The following IFTAP variants were observed in gnomAD, a reference collection of about 807,000 sequenced individuals.
IFTAP encodes the protein intraflagellar transport-associated protein.
A neutral mutation model predicts 19.4 loss-of-function variants in IFTAP; 19 were observed. That is an observed-to-expected ratio of 0.98 (90% CI 0.68 to 1.44). The LOEUF is 1.44. IFTAP is among the 40% of genes most tolerant of loss of function. The pLI is 0.00. For synonymous variants in IFTAP, 85 were observed against 83.5 expected, an observed-to-expected ratio of 1.02 and a Z score of -0.10; for missense variants, 240 against 253.6, an observed-to-expected ratio of 0.95 and a Z score of 0.36.
In IFTAP at chr11:36,616,497, A is replaced by G. The variant is rs191432465; in HGVS notation, c.136+6258A>G. 8.5e-5 allele frequency among the ~76,000 whole-genome samples: 13 copies of G among 152,084 alleles called. No homozygotes were observed. In the East Asian group the frequency reaches 2.1e-3, roughly 25 times the overall value. On this transcript the variant is annotated intron_variant, in intron 2 of 5. Transcript: ENST00000334307. Reference sequence around the variant, plus strand: ...TAGAACATTGTGTGTCTGAATGTTCAGGACAAATGGCTATGCCTGTGGCTT... The same window carrying G: ...TAGAACATTGTGTGTCTGAATGTTCGGGACAAATGGCTATGCCTGTGGCTT...
intron 1 of IFTAP, among the ~76,000 whole-genome samples, chr11:36,599,943 G>T (rs1851444214): frequency 6.6e-6 from 1 of 152,188 alleles, no homozygotes. Flanking sequence ...ACCATGGATA[G>T]ATTTAGATGT....
chr11:36,608,090 G>C (rs1432904430), intron 1 of IFTAP, among the ~76,000 whole-genome samples: 1 of 152,122 alleles, frequency 6.6e-6, no homozygotes, highest in Admixed American at 6.5e-5. Flanking sequence ...CTAAAGTGGT[G>C]ATATGTCTAT....
At chr11:36,635,974 G>A (rs745710202) in intron 3 of IFTAP, 77 bp from the exon 4 acceptor site, 35 of 911,630 alleles carry the variant, frequency 3.8e-5, no homozygotes, top group Non-Finnish European at 5.9e-5. Context: ...TGTTGTGGAA[G>A]TGGATTCGTT....
At position 36,633,163 on chromosome 11, in the gene IFTAP, G is replaced by A. The variant is rs545122450; in HGVS notation, c.137-121G>A. The A allele has an allele frequency of 1.1e-4, 100 of 897,310 alleles. 1 individual carries two copies. The South Asian group carries it at 2.2e-3, about 20-fold the overall frequency. 55.6% of individuals were successfully genotyped at this position (897,310 alleles called of 1,614,324 possible). A position where few individuals can be genotyped will look rare whatever the true frequency, so the allele number is the denominator to read the frequency against. On this transcript the variant is annotated intron_variant, in intron 2 of 5. Coordinates refer to ENST00000334307, the MANE Select transcript of IFTAP (RefSeq NM_138787.4). ...AGAGTGCTTAATGCCTCAAGGGTTC[G>A]GTTTGTAGAGTTCTTTGAAAAGTAT...
At chr11:36,605,453 C>T (rs1851661372) in intron 1 of IFTAP, among the ~76,000 whole-genome samples, 1 of 152,134 alleles carries the variant, frequency 6.6e-6, no homozygotes, top group Non-Finnish European at 1.5e-5. Context: ...TGAAAGTAAA[C>T]ATCAAAGGTG....
chr11:36,617,238 T>G (rs1400173782), intron 2 of IFTAP, among the ~76,000 whole-genome samples: 1 of 149,926 alleles, frequency 6.7e-6, no homozygotes, highest in Non-Finnish European at 1.5e-5. Flanking sequence ...TTTTTGTATA[T>G]TTATTTATTT....
chr11:36,645,161 A>T (rs1028305136), intron 4 of IFTAP, among the ~76,000 whole-genome samples: 1 of 152,148 alleles, frequency 6.6e-6, no homozygotes, highest in African/African-American at 2.4e-5. Flanking sequence ...GGCAGATTTA[A>T]TATTATTGTA....
At chr11:36,605,166 C>T (rs1356434246) in intron 1 of IFTAP, among the ~76,000 whole-genome samples, 1 of 151,932 alleles carries the variant, frequency 6.6e-6, no homozygotes, top group East Asian at 1.9e-4. Flanking sequence ...GATAATATCC[C>T]ATCTTACCTT....
chr11:36,621,967 G>A (rs1852306231), intron 2 of IFTAP, among the ~76,000 whole-genome samples: 1 of 151,796 alleles, frequency 6.6e-6, no homozygotes, highest in African/African-American at 2.4e-5. Context: ...TTGGTTTTGG[G>A]GTCTCAGTTT....
intron 4 of IFTAP, among the ~76,000 whole-genome samples, chr11:36,640,699 C>T (rs933323939): frequency 2.0e-5 from 3 of 152,092 alleles, no homozygotes; most frequent in Non-Finnish European, 4.4e-5. Flanking sequence ...TTAGAGAACT[C>T]GTATCTAGTA....
chr11:36,656,739 A>C (rs920689791), intron 5 of IFTAP, among the ~76,000 whole-genome samples: 4 of 152,026 alleles, frequency 2.6e-5, no homozygotes, highest in African/African-American at 4.8e-5. Context: ...ATTTTGCTAT[A>C]ATCACTTTAT....
intron 4 of IFTAP, among the ~76,000 whole-genome samples, chr11:36,642,596 C>G (rs770363988): frequency 2.0e-5 from 3 of 152,054 alleles, no homozygotes; most frequent in Non-Finnish European, 4.4e-5. Context: ...AACATCGATG[C>G]AAAAATCCTC....
intron 2 of IFTAP, among the ~76,000 whole-genome samples, chr11:36,614,493 C>T (rs1851995297): frequency 6.7e-6 from 1 of 148,726 alleles, no homozygotes; most frequent in Non-Finnish European, 1.5e-5. Flanking sequence ...GGAATCGCCA[C>T]ACTGACTTCC....
chr11:36,633,356 C>T lies in IFTAP; in HGVS notation c.209C>T (p.Thr70Ile). 6.2e-7 allele frequency: 1 copy of T among 1,603,748 alleles called. No individual in the cohort carries two copies. The highest frequency in any genetic ancestry group is 8.5e-7 in the Non-Finnish European group (1 of 1,175,342). ...SENIFTSAKV[T>I]HKNEADDYHL... is the part of the protein sequence containing the mutation. ...AACATTTTTACCTCAGCAAAAGTTA[C>T]TCATAAAAATGAAGCAGATGACTAC... Residue 70 changes from threonine (T) to isoleucine (I), a missense_variant, in exon 3 of 6, where the codon ACT becomes ATT. Transcript: ENST00000334307.
chr11:36,613,092 A>G (rs1032150707), intron 2 of IFTAP, among the ~76,000 whole-genome samples: 9 of 152,130 alleles, frequency 5.9e-5, no homozygotes, highest in African/African-American at 1.9e-4. Flanking sequence ...GTGAATTCTC[A>G]ATAGCACCTT....
intron 2 of IFTAP, among the ~76,000 whole-genome samples, chr11:36,616,589 G>T (rs1304567238): frequency 6.6e-6 from 1 of 151,896 alleles, no homozygotes. Context: ...CGTTGAATAG[G>T]TTTCAGTTTT....
intron 2 of IFTAP, among the ~76,000 whole-genome samples, chr11:36,618,785 C>G (rs1276523574): frequency 2.0e-5 from 3 of 151,928 alleles, no homozygotes; most frequent in Non-Finnish European, 2.9e-5. Flanking sequence ...AAACAAAACC[C>G]ATTAATACAC....
At chr11:36,620,481 G>A (rs1369369797) in intron 2 of IFTAP, among the ~76,000 whole-genome samples, 1 of 152,006 alleles carries the variant, frequency 6.6e-6, no homozygotes, top group Non-Finnish European at 1.5e-5. Context: ...ATTGCAGAAG[G>A]AAATTTCCCC....
At chr11:36,656,918 A>G (rs1854016782) in intron 5 of IFTAP, among the ~76,000 whole-genome samples, 1 of 151,976 alleles carries the variant, frequency 6.6e-6, no homozygotes, top group Non-Finnish European at 1.5e-5. Flanking sequence ...TTGTATTCTA[A>G]CCCCTAAGTG....
Sources: gnomAD v4.1 joint callset for allele counts (sites outside exome capture counted in the v4.1 genomes callset) on GRCh38, gnomAD v4.1.1 for gene constraint, MANE v1.5 for transcripts, NCBI Gene and HGNC (gene_info 2026-07-23, HGNC 2026-07-21) for gene names.